SPAG9: variants seen among roughly 807,000 people sequenced by gnomAD.
SPAG9 encodes the protein C-Jun-amino-terminal kinase-interacting protein 4.
SPAG9 carries 35 observed loss-of-function variants against 166.5 expected under a neutral mutation model. The observed-to-expected ratio is 0.21, with a 90% CI of 0.16 to 0.28. The LOEUF is 0.28. SPAG9 is among the 10% of genes least tolerant of loss of function. The pLI is 1.00. For synonymous variants in SPAG9, 534 were observed against 565.5 expected, an observed-to-expected ratio of 0.94 and a Z score of 0.79; for missense variants, 1,235 against 1,603.3, an observed-to-expected ratio of 0.77 and a Z score of 3.92.
At position 50,998,505 on chromosome 17, in the gene SPAG9, T is replaced by G. The variant is rs1490575567; in HGVS notation, c.1777A>C (p.Ser593Arg). The G allele has an allele frequency of 1.2e-6, 2 of 1,614,080 alleles. No individual in the cohort carries two copies. Residue 593 changes from serine (S) to arginine (R), a missense_variant, in exon 15 of 30, where the codon AGC (serine) becomes CGC (arginine). Physicochemically the swap from Ser to Arg is moderately radical, Grantham distance 110. Transcript: ENST00000262013. Reference protein sequence around the residue: ...SHVTPSVKKRSSTLSQLPGDK... With the variant: ...SHVTPSVKKRRSTLSQLPGDK... ...CCAGGGAGCTGAGATAAGGTGCTGC[T>G]TCTTTTCTTGACGGACGGAGTAACA...
At chr17:51,061,612 CAAAAAAAAAAAAAA>C (rs34010166) in intron 2 of SPAG9, among the ~76,000 whole-genome samples, 1 of 31,728 alleles carries the variant, frequency 3.2e-5, no homozygotes, top group African/African-American at 1.0e-4. Context: ...GCTCTGTCTC[CAAAAAAAAAAAAAA>C]AAAAAAAAAA....
At chr17:51,002,007 A>T (rs1257231976) in intron 12 of SPAG9, among the ~76,000 whole-genome samples, 162 bp from the exon 13 acceptor site, 2 of 151,986 alleles carry the variant, frequency 1.3e-5, no homozygotes, top group Non-Finnish European at 2.9e-5. Context: ...ATCAACAAAG[A>T]CTTTTTTTTA....
In SPAG9 at chr17:51,120,139, C is replaced by G. The variant is rs1468866531; in HGVS notation, c.303+215G>C. Among the ~76,000 whole-genome samples the G allele has an allele frequency of 1.3e-5, 2 of 152,222 alleles. No individual in the cohort carries two copies. The highest frequency in any genetic ancestry group is 2.9e-5 in the Non-Finnish European group (2 of 68,022). On this transcript the variant is annotated intron_variant, in intron 1 of 29. Transcript: ENST00000262013. This position sits in a 1 kb window ranked among gnomAD's most constrained non-coding sequence, Gnocchi z 4.7. Reference sequence around the variant, plus strand: ...CGGGCCCTGCCTCCTCCATCTCGCTCCCTTCCCAGGACACTCAGTAGCCGG... The same window carrying G: ...CGGGCCCTGCCTCCTCCATCTCGCTGCCTTCCCAGGACACTCAGTAGCCGG...
intron 6 of SPAG9, among the ~76,000 whole-genome samples, chr17:51,030,593 T>C (rs2046347189): frequency 6.6e-6 from 1 of 152,200 alleles, no homozygotes; most frequent in African/African-American, 2.4e-5. Context: ...TACATTCTTC[T>C]GGAGAGTTTC....
intron 3 of SPAG9, among the ~76,000 whole-genome samples, chr17:51,055,268 G>A (rs1437573453): frequency 3.9e-5 from 6 of 151,960 alleles, no homozygotes; most frequent in Non-Finnish European, 8.8e-5. Flanking sequence ...GAGGAGAATC[G>A]CTTGAACCCA....
intron 1 of SPAG9, among the ~76,000 whole-genome samples, chr17:51,114,251 T>C (rs750597564): frequency 6.6e-6 from 1 of 151,846 alleles, no homozygotes; most frequent in Non-Finnish European, 1.5e-5. Context: ...TGCTTGAACC[T>C]GGAAGGTGGG....
Position 51,001,765 on chromosome 17 carries a change from T to C in SPAG9, c.1557A>G (p.Lys519=). Residue 519 remains lysine, a synonymous_variant, in exon 13 of 30, where the codon AAA becomes AAG. Coordinates refer to ENST00000262013, the MANE Select transcript of SPAG9 (RefSeq NM_001130528.3). The part of the protein sequence containing the change: ...ARVLMERNQY[K]ERLMELQEAV... ...CTTCCTGAAGCTCCATCAATCTCTC[T>C]TTATACTGGTTTCGCTCCATGAGAA... is the stretch of plus-strand genomic sequence containing the variant. 2 of 1,613,836 alleles carry C rather than the reference T, an allele frequency of 1.2e-6. No individual in the cohort carries two copies.
At chr17:51,067,643 T>C (rs2047710106) in intron 2 of SPAG9, among the ~76,000 whole-genome samples, 1 of 152,102 alleles carries the variant, frequency 6.6e-6, no homozygotes, top group South Asian at 2.1e-4. Flanking sequence ...CAAGATTCTG[T>C]TCATCCTATC....
rs2049451579 is a variant in SPAG9, at chr17:51,120,626, CCTGATACACCACACCGTCCTCCAG to C, written c.7_30del (p.Leu3_Gln10del). 2 of 1,610,536 alleles carry C rather than the reference CCTGATACACCACACCGTCCTCCAG, an allele frequency of 1.2e-6. No individual in the cohort carries two copies. Among genetic ancestry groups the C allele is most frequent in the African/African-American group, 1.3e-5 (1 of 74,816 alleles). On this transcript the variant is annotated inframe_deletion, in exon 1 of 30. Transcript: ENST00000262013. The surrounding 1 kb of genome is among the most constrained non-coding windows in gnomAD (Gnocchi z 4.7). Reference sequence around the variant, plus strand: ...ACGGCCCCGGAGCCGCCGGGCTCCTCCTGATACACCACACCGTCCTCCAGCTCCATGGTGGCAAGCGGACGGGCG... The same window carrying C: ...ACGGCCCCGGAGCCGCCGGGCTCCTCCTCCATGGTGGCAAGCGGACGGGCG...
At chr17:51,067,031 C>A (rs559665209) in intron 2 of SPAG9, among the ~76,000 whole-genome samples, 1 of 152,176 alleles carries the variant, frequency 6.6e-6, no homozygotes, top group African/African-American at 2.4e-5. Flanking sequence ...TTCATGTTTT[C>A]TTTACATATA....
chr17:50,991,363 G>GTA (rs1180801063), intron 19 of SPAG9, among the ~76,000 whole-genome samples: 1 of 151,840 alleles, frequency 6.6e-6, no homozygotes, highest in Non-Finnish European at 1.5e-5. Flanking sequence ...AATGCCCCAA[G>GTA]TATATAGGTT....
At chr17:50,996,488 T>C in intron 16 of SPAG9, 77 bp downstream of exon 16, 3 of 1,542,624 alleles carry the variant, frequency 1.9e-6, no homozygotes, top group East Asian at 2.3e-5. Flanking sequence ...ATGCGTACAG[T>C]GAATCCTTCA....
chr17:51,102,411 AAAAAAAAGAAAAG>A (rs1199095570), intron 1 of SPAG9, among the ~76,000 whole-genome samples: 2 of 151,790 alleles, frequency 1.3e-5, no homozygotes, highest in African/African-American at 4.8e-5. Flanking sequence ...CTGCAAAAAA[AAAAAAAAGAAAAG>A]AAAAAAATAG....
rs1973307651 is a variant in SPAG9, at chr17:50,965,327, C to T, written c.*945G>A. 1 of 152,194 alleles carries T rather than the reference C, an allele frequency of 6.6e-6. No homozygotes were observed. The highest frequency in any genetic ancestry group is 1.5e-5 in the Non-Finnish European group (1 of 68,032). 9.4% of individuals were successfully genotyped at this position (152,194 alleles called of 1,614,324 possible). On this transcript the variant is annotated 3_prime_UTR_variant, in exon 30 of 30. Transcript: ENST00000262013. ...CTTAGGCCAGACTCCATCCCCACTA[C>T]AGTTTTACTTGTATTAACAGGTTAA... is the stretch of plus-strand genomic sequence containing the variant.
chr17:51,016,678 G>A (rs900682761), intron 8 of SPAG9, among the ~76,000 whole-genome samples: 3 of 152,240 alleles, frequency 2.0e-5, no homozygotes, highest in Non-Finnish European at 4.4e-5. Context: ...AGGCCAAGGC[G>A]GGTGGATCAT....
At chr17:51,052,446 G>C (rs1001533404) in intron 3 of SPAG9, among the ~76,000 whole-genome samples, 1 of 152,122 alleles carries the variant, frequency 6.6e-6, no homozygotes, top group Non-Finnish European at 1.5e-5. Context: ...AAAATATAGG[G>C]AGCCTATCAG....
chr17:50,981,064 T>C (rs9892286), intron 25 of SPAG9, among the ~76,000 whole-genome samples: 9,237 of 152,192 alleles, frequency 0.061, 828 homozygotes, highest in African/African-American at 0.2. Flanking sequence ...CTGCTGTATA[T>C]GTGTGTGAGG....
At chr17:51,046,920 T>A in intron 4 of SPAG9, 1 of 1,491,422 alleles carries the variant, frequency 6.7e-7, no homozygotes, top group Non-Finnish European at 8.9e-7. Flanking sequence ...TATTTTCCCC[T>A]CCACTAAGAG....
At chr17:51,109,726 C>G (rs2049053155) in intron 1 of SPAG9, among the ~76,000 whole-genome samples, 1 of 150,986 alleles carries the variant, frequency 6.6e-6, no homozygotes, top group African/African-American at 2.4e-5. Flanking sequence ...CTTTTCTTTT[C>G]TTTTTGACAG....
Sources: gnomAD v4.1 joint callset for allele counts (sites outside exome capture counted in the v4.1 genomes callset) on GRCh38, gnomAD v4.1.1 for gene constraint, Gnocchi (gnomAD v3.1) non-coding constraint, MANE v1.5 for transcripts, NCBI Gene and HGNC (gene_info 2026-07-23, HGNC 2026-07-21) for gene names.